The following SLK variants were observed in gnomAD, a reference collection of about 807,000 sequenced individuals.
The protein encoded by SLK is STE20-like serine/threonine-protein kinase.
A neutral mutation model predicts 147.7 loss-of-function variants in SLK; 67 were observed. That is an observed-to-expected ratio of 0.45 (90% CI 0.37 to 0.56). SLK has a LOEUF of 0.56. SLK is among the 20% of genes least tolerant of loss of function. The probability of loss-of-function intolerance (pLI) is 0.00; values close to 1 mark genes in which losing one functional copy is unlikely to be tolerated. For missense variants in SLK, 1,136 were observed against 1,438.8 expected, an observed-to-expected ratio of 0.79 and a Z score of 3.41; for synonymous variants, 441 against 475.0, an observed-to-expected ratio of 0.93 and a Z score of 0.93.
At chr10:104,025,536 C>T in intron 18 of SLK, 38 bp from the exon 19 acceptor site, 11 of 1,598,996 alleles carry the variant, frequency 6.9e-6, no homozygotes, top group Non-Finnish European at 9.4e-6. Context: ...ATATATAATA[C>T]CAGCACATAG....
intron 15 of SLK, among the ~76,000 whole-genome samples, chr10:104,019,449 G>A (rs1283699447): frequency 1.3e-5 from 2 of 151,840 alleles, no homozygotes; most frequent in Admixed American, 6.6e-5. Context: ...AAAAAATTTT[G>A]TGTGTGGAGA....
At chr10:104,005,052 T>C (rs1457012722) in intron 9 of SLK, among the ~76,000 whole-genome samples, 1 of 152,118 alleles carries the variant, frequency 6.6e-6, no homozygotes, top group Admixed American at 6.6e-5. Flanking sequence ...TGGCAGTGTT[T>C]AAAAATTACC....
chr10:104,009,810 C>A (rs1245076745), intron 12 of SLK, among the ~76,000 whole-genome samples: 2 of 151,624 alleles, frequency 1.3e-5, no homozygotes, highest in Non-Finnish European at 2.9e-5. Context: ...TGCTAAACTT[C>A]TTGCATTTGG....
intron 9 of SLK, among the ~76,000 whole-genome samples, chr10:104,003,843 G>A (rs1226225237): frequency 6.6e-6 from 1 of 152,124 alleles, no homozygotes. Context: ...ATGTATGAGA[G>A]AATTAGAAAT....
At chr10:103,991,714 TA>T (rs1215067995) in intron 2 of SLK, among the ~76,000 whole-genome samples, 2 of 150,648 alleles carry the variant, frequency 1.3e-5, no homozygotes, top group Admixed American at 6.6e-5. Context: ...CAAGCACTTG[TA>T]AAAAAAAATA....
intron 13 of SLK, among the ~76,000 whole-genome samples, chr10:104,013,688 C>A (rs779056738): frequency 5.9e-5 from 9 of 152,206 alleles, no homozygotes. Context: ...CAGTCTTCAA[C>A]GCCCAAATGC....
intron 2 of SLK, 130 bp downstream of exon 2, chr10:103,990,969 G>C (rs564359799): frequency 6.7e-6 from 3 of 449,316 alleles, no homozygotes; most frequent in African/African-American, 6.1e-5. Flanking sequence ...ACTTGAATGA[G>C]AGTTGATCTG....
intron 1 of SLK, among the ~76,000 whole-genome samples, chr10:103,973,160 TTTTC>T (rs1320825382): frequency 3.9e-5 from 6 of 152,242 alleles, no homozygotes; most frequent in Admixed American, 2.0e-4. Context: ...ATGATTTTGC[TTTTC>T]TTTAACAATT....
intron 7 of SLK, among the ~76,000 whole-genome samples, chr10:104,000,640 C>T (rs1844233561): frequency 2.0e-5 from 3 of 152,174 alleles, no homozygotes; most frequent in African/African-American, 7.2e-5. Context: ...AATGGCTTCT[C>T]ATTCTCAAGA....
rs1388254993 is a variant in SLK at position 103,992,054 on chromosome 10, TTA to T, written c.316-542_316-541del. Among the ~76,000 whole-genome samples, 4 of 151,294 alleles carry T rather than the reference TTA, an allele frequency of 2.6e-5. No individual in the cohort carries two copies. The East Asian group carries it at 7.8e-4, about 29-fold the overall frequency. ...GGTTAAGAAGGAAAGGTACATGGTGTTATGTCTTACCAGGGAAGTCAAGATAA... is the reference window on the plus strand; with the variant it reads ...GGTTAAGAAGGAAAGGTACATGGTGTTGTCTTACCAGGGAAGTCAAGATAA... On this transcript the variant is annotated intron_variant, in intron 2 of 18. Coordinates refer to ENST00000369755, the MANE Select transcript of SLK (RefSeq NM_014720.4).
chr10:103,983,190 T>C (rs772010584), intron 1 of SLK, among the ~76,000 whole-genome samples: 3 of 152,104 alleles, frequency 2.0e-5, no homozygotes, highest in Non-Finnish European at 4.4e-5. Flanking sequence ...GATGAATGAT[T>C]TTATTCTTTT....
At chr10:104,023,840 T>G (rs567877548) in intron 18 of SLK, among the ~76,000 whole-genome samples, 1 of 152,264 alleles carries the variant, frequency 6.6e-6, no homozygotes, top group East Asian at 1.9e-4. Context: ...TTTATTGATA[T>G]GTACCCAGTT....
intron 13 of SLK, among the ~76,000 whole-genome samples, chr10:104,011,562 C>CTT (rs763549049): frequency 7.5e-6 from 1 of 132,892 alleles, no homozygotes; most frequent in African/African-American, 2.9e-5. Flanking sequence ...TGGGTGAATT[C>CTT]TTTTTTTTTT....
At chr10:103,986,659 A>G (rs1589529828) in intron 1 of SLK, among the ~76,000 whole-genome samples, 2 of 126,090 alleles carry the variant, frequency 1.6e-5, no homozygotes, top group South Asian at 2.6e-4. Flanking sequence ...TTAAGCCTTT[A>G]TGTGAAGAGT....
chr10:103,987,432 T>A lies in SLK; in HGVS notation c.151-3243T>A, dbSNP rs551758729. 1.3e-4 allele frequency among the ~76,000 whole-genome samples: 20 copies of A among 152,340 alleles called. No homozygotes were observed. The South Asian group carries it at 4.1e-3, about 32-fold the overall frequency. Reference sequence around the variant, plus strand: ...CTGCATGATTTAAGCAGGTTCCTGTTAAGTGACATTTAGGCTGATTCACTT... The same window carrying A: ...CTGCATGATTTAAGCAGGTTCCTGTAAAGTGACATTTAGGCTGATTCACTT... On this transcript the variant is annotated intron_variant, in intron 1 of 18. Transcript: ENST00000369755.
intron 4 of SLK, among the ~76,000 whole-genome samples, chr10:103,994,842 T>C (rs1844145988): frequency 1.3e-5 from 2 of 152,234 alleles, no homozygotes; most frequent in African/African-American, 4.8e-5. Context: ...CTTTCTGTAT[T>C]TCCTTCAGTT....
In SLK at chr10:104,002,259, G is replaced by A; in HGVS notation, c.1081G>A (p.Glu361Lys). ...ACTTTCACAAAATGCTTGTATTTTG[G>A]AGTCTGTCTCAGAAAAAACAGAACG... ...DKLSQNACIL[E>K]SVSEKTERSN... is the part of the protein sequence containing the mutation. The change falls in exon 9 of 19, where the codon GAG becomes AAG. Residue 361 changes from glutamate (E) to lysine (K), a missense_variant. Transcript: ENST00000369755. The A allele has an allele frequency of 6.2e-7, 1 of 1,612,766 alleles. No homozygotes were observed. The highest frequency in any genetic ancestry group is 8.5e-7 in the Non-Finnish European group (1 of 1,179,090).
chr10:104,011,616 A>G (rs1016739223), intron 13 of SLK, among the ~76,000 whole-genome samples: 4 of 150,572 alleles, frequency 2.7e-5, no homozygotes, highest in Non-Finnish European at 4.4e-5. Flanking sequence ...GCTGGAGTGC[A>G]GTGGTGTGAT....
At chr10:104,018,026 T>G in intron 13 of SLK, 134 bp from the exon 14 acceptor site, 1 of 636,546 alleles carries the variant, frequency 1.6e-6, no homozygotes, top group Non-Finnish European at 2.7e-6. Flanking sequence ...ATAATTTTAG[T>G]GATTTTAAAA....
Sources: allele counts gnomAD v4.1 joint callset (sites outside exome capture counted in the v4.1 genomes callset), GRCh38; gene constraint gnomAD v4.1.1; transcripts MANE v1.5; gene names NCBI Gene and HGNC (gene_info 2026-07-23, HGNC 2026-07-21).